The following TPD52 variants were observed in gnomAD, a reference collection of about 807,000 sequenced individuals.
The protein encoded by TPD52 is prostate and colon associated protein.
In TPD52, 17 loss-of-function variants were observed where a neutral mutation model predicts 31.3. That is an observed-to-expected ratio of 0.54 (90% CI 0.37 to 0.82). The LOEUF is 0.82. Ranked by LOEUF, TPD52 falls within the 40% of genes least tolerant of loss-of-function variation. TPD52 has a pLI of 0.00. For missense variants in TPD52, 212 were observed against 240.1 expected, an observed-to-expected ratio of 0.88 and a Z score of 0.77; for synonymous variants, 83 against 89.6, an observed-to-expected ratio of 0.93 and a Z score of 0.42.
At chr8:80,102,365 C>T (rs1806807478) in intron 1 of TPD52, among the ~76,000 whole-genome samples, 1 of 152,122 alleles carries the variant, frequency 6.6e-6, no homozygotes, top group African/African-American at 2.4e-5. Flanking sequence ...AGCTGGTTTT[C>T]CAGAGAAAGT....
chr8:80,070,956 T>C (rs985702363), intron 1 of TPD52, among the ~76,000 whole-genome samples: 1 of 152,094 alleles, frequency 6.6e-6, no homozygotes, highest in African/African-American at 2.4e-5. Context: ...CATGTCCTTA[T>C]AAGAAGGAAA....
intron 2 of TPD52, among the ~76,000 whole-genome samples, chr8:80,057,034 G>A (rs748005769): frequency 6.6e-6 from 1 of 152,120 alleles, no homozygotes; most frequent in Non-Finnish European, 1.5e-5. Context: ...AGGCATGGTG[G>A]TGGTGTGCCT....
chr8:80,107,077 T>G (rs1389929327), intron 1 of TPD52, among the ~76,000 whole-genome samples: 1 of 152,206 alleles, frequency 6.6e-6, no homozygotes, highest in South Asian at 2.1e-4. Flanking sequence ...TGTCTAGATC[T>G]CCTGACCTCG....
chr8:80,066,156 TG>T (rs1230562895), intron 1 of TPD52, among the ~76,000 whole-genome samples: 5 of 152,040 alleles, frequency 3.3e-5, no homozygotes, highest in Non-Finnish European at 1.5e-5. Context: ...AACCACACTG[TG>T]GAACAAGCAG....
At chr8:80,106,976 C>T (rs539781709) in intron 1 of TPD52, among the ~76,000 whole-genome samples, 1 of 151,164 alleles carries the variant, frequency 6.6e-6, no homozygotes, top group South Asian at 2.1e-4. Context: ...CTCAGCCTCC[C>T]GAGTAGCTGG....
At chr8:80,082,127 T>G (rs1815359643) in intron 1 of TPD52, among the ~76,000 whole-genome samples, 1 of 152,120 alleles carries the variant, frequency 6.6e-6, no homozygotes, top group Admixed American at 6.5e-5. Context: ...TCTTTTTTTT[T>G]TTTTTTTAAG....
intron 1 of TPD52, among the ~76,000 whole-genome samples, chr8:80,153,319 T>C (rs1810713049): frequency 6.6e-6 from 1 of 152,190 alleles, no homozygotes; most frequent in Non-Finnish European, 1.5e-5. Context: ...GAGCTGTCCA[T>C]TGGCTTCCCT....
intron 1 of TPD52, among the ~76,000 whole-genome samples, chr8:80,151,302 A>G (rs12541114): frequency 0.011 from 1,647 of 152,358 alleles, 50 homozygotes; most frequent in East Asian, 0.064. Context: ...TGTCTCAGGC[A>G]TGTCTTTATT....
intron 1 of TPD52, among the ~76,000 whole-genome samples, chr8:80,107,020 T>C (rs914985343): frequency 1.5e-4 from 22 of 151,720 alleles, no homozygotes; most frequent in African/African-American, 4.6e-4. Context: ...CCCAGCTAAT[T>C]TTTTGTATTT....
intron 1 of TPD52, among the ~76,000 whole-genome samples, chr8:80,164,013 T>TGA (rs36124247): frequency 0.031 from 3,815 of 123,438 alleles, 98 homozygotes; most frequent in East Asian, 0.058. Context: ...ATTCTAACTG[T>TGA]GAGAGAGAGA....
At chr8:80,065,823 T>C (rs1042968719) in intron 1 of TPD52, among the ~76,000 whole-genome samples, 39 of 152,146 alleles carry the variant, frequency 2.6e-4, no homozygotes, top group Admixed American at 9.8e-4. Flanking sequence ...TGTATTTGTA[T>C]ATTATTTGAC....
At chr8:80,098,462 C>A (rs1806489775) in intron 1 of TPD52, among the ~76,000 whole-genome samples, 1 of 152,098 alleles carries the variant, frequency 6.6e-6, no homozygotes, top group Admixed American at 6.5e-5. Flanking sequence ...GTGATTCCAG[C>A]CTTCATGGAT....
At position 80,038,172 on chromosome 8, in the gene TPD52, T is replaced by A; in HGVS notation, c.568A>T (p.Asn190Tyr). ...GGCTCCGTGGTGGTGGCACTAGCAT[T>A]TGCAGCCGAATTCAAGACTTCTCCA... is the stretch of plus-strand genomic sequence containing the variant. ...DFGEVLNSAA[N>Y]ASATTTEPLP... Residue 190 changes from asparagine to tyrosine, a missense_variant, in exon 8 of 8, where the codon AAT (asparagine) becomes TAT (tyrosine). Coordinates refer to ENST00000518937, the MANE Select transcript of TPD52 (RefSeq NM_001025253.3). The A allele has an allele frequency of 6.2e-7, 1 of 1,614,056 alleles. No homozygotes were observed. The highest frequency in any genetic ancestry group is 8.5e-7 in the Non-Finnish European group (1 of 1,179,986).
At chr8:80,145,560 A>C (rs189522260) in intron 1 of TPD52, among the ~76,000 whole-genome samples, 1 of 152,226 alleles carries the variant, frequency 6.6e-6, no homozygotes, top group Non-Finnish European at 1.5e-5. Context: ...TGTAGGAATC[A>C]TAAGAATTTT....
chr8:80,153,208 T>C (rs1810704782), intron 1 of TPD52, among the ~76,000 whole-genome samples: 1 of 152,110 alleles, frequency 6.6e-6, no homozygotes, highest in African/African-American at 2.4e-5. Context: ...TGCAGGAAAA[T>C]ACGAACTACA....
chr8:80,052,172 G>A (rs1811447157), intron 3 of TPD52, among the ~76,000 whole-genome samples: 1 of 152,180 alleles, frequency 6.6e-6, no homozygotes, highest in Admixed American at 6.5e-5. Context: ...ATACGGACAT[G>A]ATGGACTTTC....
chr8:80,080,661 A>G, intron 1 of TPD52: 1 of 1,296,416 alleles, frequency 7.7e-7, no homozygotes, highest in Non-Finnish European at 9.8e-7. Flanking sequence ...TATTTAATAA[A>G]TGATTTATCC....
chr8:80,123,670 CAAAG>C (rs1808411031), intron 1 of TPD52, among the ~76,000 whole-genome samples: 1 of 152,168 alleles, frequency 6.6e-6, no homozygotes, highest in Non-Finnish European at 1.5e-5. Flanking sequence ...CGGGAATAAC[CAAAG>C]AAACGGCTTA....
intron 1 of TPD52, among the ~76,000 whole-genome samples, chr8:80,099,642 C>A (rs1437897045): frequency 6.6e-6 from 1 of 151,828 alleles, no homozygotes; most frequent in Admixed American, 6.6e-5. Flanking sequence ...TCCTGAGTAG[C>A]TGGGACTACA....
Sources: gnomAD v4.1 joint callset for allele counts (sites outside exome capture counted in the v4.1 genomes callset) on GRCh38, gnomAD v4.1.1 for gene constraint, MANE v1.5 for transcripts, NCBI Gene and HGNC (gene_info 2026-07-23, HGNC 2026-07-21) for gene names.